The following RGL1 variants were observed in gnomAD, a reference collection of about 807,000 sequenced individuals.
RGL1 encodes ral guanine nucleotide dissociation stimulator-like 1.
RGL1 carries 24 observed loss-of-function variants against 95.2 expected under a neutral mutation model. The observed-to-expected ratio is 0.25, with a 90% CI of 0.18 to 0.35. The LOEUF is 0.35. Among genes scored for constraint, RGL1 ranks in the 10% least tolerant of loss-of-function variants. The probability of loss-of-function intolerance (pLI) is 1.00; values close to 1 mark genes in which losing one functional copy is unlikely to be tolerated. For synonymous variants in RGL1, 329 were observed against 344.9 expected (o/e 0.95, Z 0.51); for missense variants, 715 against 936.3 (o/e 0.76, Z 3.08).
chr1:183,925,141 T>A (rs1269906193), intron 17 of RGL1, among the ~76,000 whole-genome samples: 1 of 152,200 alleles, frequency 6.6e-6, no homozygotes, highest in Non-Finnish European at 1.5e-5. Flanking sequence ...AAGAAGGGGA[T>A]ATTTGCTGCA....
At chr1:183,682,769 T>A (rs1317167412) in intron 1 of RGL1, among the ~76,000 whole-genome samples, 1 of 152,218 alleles carries the variant, frequency 6.6e-6, no homozygotes, top group Non-Finnish European at 1.5e-5. Context: ...CGGTGGGGTG[T>A]TAAGTTCTCC....
rs556817637 is a variant in RGL1 at position 183,680,994 on chromosome 1, A to C, written c.-33+44493A>C. 2.0e-5 allele frequency among the ~76,000 whole-genome samples: 3 copies of C among 152,312 alleles called. No individual in the cohort carries two copies. The South Asian group carries it at 6.2e-4, about 32-fold the overall frequency. ...GCTCTTTGCCTATTATTGGTGTATA[A>C]GAATGCTTGTGATTTTTGCACATTG... On this transcript the variant is annotated intron_variant, in intron 1 of 18. Coordinates refer to the RGL1 transcript ENST00000304685.
intron 3 of RGL1, among the ~76,000 whole-genome samples, chr1:183,847,985 T>C (rs187647992): frequency 4.6e-5 from 7 of 152,352 alleles, no homozygotes; most frequent in Non-Finnish European, 1.5e-5. Context: ...CTAAAAGATT[T>C]ATAAAAGAGT....
chr1:183,682,390 G>A (rs751168526), intron 1 of RGL1, among the ~76,000 whole-genome samples: 1 of 152,154 alleles, frequency 6.6e-6, no homozygotes, highest in African/African-American at 2.4e-5. Context: ...TGATTTCAAA[G>A]AACATCTTTA....
At chr1:183,669,442 A>G (rs1652287153) in intron 1 of RGL1, among the ~76,000 whole-genome samples, 1 of 152,198 alleles carries the variant, frequency 6.6e-6, no homozygotes, top group South Asian at 2.1e-4. Flanking sequence ...AGCATAGTCC[A>G]TAGTCCATAG....
intron 4 of RGL1, among the ~76,000 whole-genome samples, chr1:183,872,294 A>G (rs1302122649): frequency 6.6e-6 from 1 of 152,244 alleles, no homozygotes. Context: ...TCTGAATTTT[A>G]TATGAGATGG....
At chr1:183,850,585 TATG>T (rs1417071588) in intron 3 of RGL1, among the ~76,000 whole-genome samples, 2 of 152,204 alleles carry the variant, frequency 1.3e-5, no homozygotes, top group Non-Finnish European at 2.9e-5. Context: ...TGATCTGGAT[TATG>T]ATACTTTGAG....
chr1:183,836,119 A>G (rs1478047552), intron 2 of RGL1, among the ~76,000 whole-genome samples: 2 of 152,256 alleles, frequency 1.3e-5, no homozygotes, highest in Non-Finnish European at 2.9e-5. Context: ...CATCTAATCC[A>G]TAATGTGCAC....
intron 2 of RGL1, among the ~76,000 whole-genome samples, chr1:183,845,193 T>C (rs1299812500): frequency 6.6e-6 from 1 of 152,248 alleles, no homozygotes; most frequent in Non-Finnish European, 1.5e-5. Flanking sequence ...CAATTCAACT[T>C]GCGATTCAGA....
At chr1:183,779,888 G>A (rs942184523) in intron 2 of RGL1, among the ~76,000 whole-genome samples, 1 of 152,122 alleles carries the variant, frequency 6.6e-6, no homozygotes, top group Non-Finnish European at 1.5e-5. Context: ...TGTGGGTGAA[G>A]AATGTATTTG....
At chr1:183,734,137 G>T (rs1656794051) in intron 1 of RGL1, among the ~76,000 whole-genome samples, 1 of 152,196 alleles carries the variant, frequency 6.6e-6, no homozygotes, top group Admixed American at 6.5e-5. Flanking sequence ...ATGATTTTGT[G>T]TATTAACTGG....
chr1:183,898,012 G>A (rs1667800793), intron 10 of RGL1, 115 bp downstream of exon 10: 1 of 788,686 alleles, frequency 1.3e-6, no homozygotes, highest in South Asian at 1.7e-5. Context: ...CTTTCAGAAA[G>A]GGTCTCCCAT....
intron 3 of RGL1, among the ~76,000 whole-genome samples, chr1:183,862,423 C>T (rs1183803072): frequency 2.0e-5 from 3 of 152,206 alleles, no homozygotes; most frequent in African/African-American, 4.8e-5. Context: ...CATCCCAGTC[C>T]ATTAAGTTCC....
intron 2 of RGL1, among the ~76,000 whole-genome samples, chr1:183,833,911 A>G (rs944384354): frequency 4.7e-5 from 7 of 149,048 alleles, no homozygotes; most frequent in Non-Finnish European, 8.9e-5. Flanking sequence ...TGCTCCCCCT[A>G]TATTTATAGC....
At chr1:183,859,609 A>G (rs1415407530) in intron 3 of RGL1, among the ~76,000 whole-genome samples, 1 of 152,204 alleles carries the variant, frequency 6.6e-6, no homozygotes, top group Non-Finnish European at 1.5e-5. Flanking sequence ...TGTCCTTCAC[A>G]GCAAAGGCCT....
chr1:183,837,304 C>A lies in RGL1; in HGVS notation c.139-10262C>A, dbSNP rs12057352. Among the ~76,000 whole-genome samples the A allele has an allele frequency of 9.2e-4, 140 of 152,264 alleles. 1 individual carries two copies. In the East Asian group the frequency reaches 0.021, roughly 23 times the overall value. On this transcript the variant is annotated intron_variant, in intron 2 of 17. Coordinates refer to ENST00000360851, the MANE Select transcript of RGL1 (RefSeq NM_001297671.3). ...ATTAGGTCACACAGAAGCTCACTAC[C>A]CCCTGCTGACCTTTACAGACAGAGA...
intron 1 of RGL1, among the ~76,000 whole-genome samples, chr1:183,737,862 A>G (rs1657040676): frequency 6.6e-6 from 1 of 152,128 alleles, no homozygotes; most frequent in Non-Finnish European, 1.5e-5. Context: ...CCCCACTCCC[A>G]ACTTAAGGCT....
intron 2 of RGL1, among the ~76,000 whole-genome samples, chr1:183,825,762 T>A (rs918826520): frequency 6.6e-6 from 1 of 152,180 alleles, no homozygotes; most frequent in Non-Finnish European, 1.5e-5. Context: ...AAAGTGGGGC[T>A]TTTAGAAGCA....
At chr1:183,670,278 A>T (rs766519508) in intron 1 of RGL1, among the ~76,000 whole-genome samples, 23 of 152,148 alleles carry the variant, frequency 1.5e-4, no homozygotes, top group Non-Finnish European at 2.9e-4. Flanking sequence ...CCCCAGCTTG[A>T]TCAGGCTCTG....
Sources: gnomAD v4.1 joint callset for allele counts (sites outside exome capture counted in the v4.1 genomes callset) on GRCh38, gnomAD v4.1.1 for gene constraint, MANE v1.5 for transcripts, NCBI Gene and HGNC (gene_info 2026-07-23, HGNC 2026-07-21) for gene names.